The following COQ8B variants were observed in gnomAD, a reference collection of about 807,000 sequenced individuals.
COQ8B encodes atypical kinase COQ8B, mitochondrial.
A neutral mutation model predicts 62.0 loss-of-function variants in COQ8B; 44 were observed. That is an observed-to-expected ratio of 0.71 (90% CI 0.56 to 0.91). The LOEUF (loss-of-function observed/expected upper bound fraction) is 0.91. Among genes scored for constraint, COQ8B ranks in the 40% least tolerant of loss-of-function variants. COQ8B has a pLI of 0.00. For missense variants in COQ8B, 649 were observed against 731.6 expected (o/e 0.89, Z 1.30); for synonymous variants, 252 against 289.9 (o/e 0.87, Z 1.33).
At chr19:40,714,207 A>G in intron 3 of COQ8B, 71 bp downstream of exon 3, 1 of 1,607,128 alleles carries the variant, frequency 6.2e-7, no homozygotes. Flanking sequence ...CTCTGCCACC[A>G]CACCCTTCCC....
rs761401672 is a variant in COQ8B at position 40,692,182 on chromosome 19, G to A, written c.1488C>T (p.Phe496=). 16 of 1,595,920 alleles carry A rather than the reference G, an allele frequency of 1.0e-5. No homozygotes were observed. Among genetic ancestry groups the A allele is most frequent in the African/African-American group, 1.3e-5 (1 of 74,490 alleles). ...GGGCTCGGAGGTGGGCACAGGCCAGGAAAGCCCCTGCCAGCTTGCGGTGCA... is the reference window on the plus strand; with the variant it reads ...GGGCTCGGAGGTGGGCACAGGCCAGAAAAGCCCCTGCCAGCTTGCGGTGCA... ...YALHRKLAGA[F]LACAHLRAHI... The change falls in exon 15 of 15, where the codon TTC becomes TTT. Residue 496 remains phenylalanine (F), a synonymous_variant. Coordinates refer to ENST00000324464, the MANE Select transcript of COQ8B (RefSeq NM_024876.4).
At chr19:40,714,898 T>G in intron 1 of COQ8B, 13 of 1,229,812 alleles carry the variant, frequency 1.1e-5, no homozygotes, top group Non-Finnish European at 1.1e-5. Flanking sequence ...ACACCCACAG[T>G]TCCTCAGGGG....
At chr19:40,697,851 T>TATATATATAGAGAGAGAGAGAGAG (rs1446181673) in intron 12 of COQ8B, among the ~76,000 whole-genome samples, 3 of 54,734 alleles carry the variant, frequency 5.5e-5, no homozygotes, top group Non-Finnish European at 9.4e-5. Flanking sequence ...TATATATATA[T>TATATATATAGAGAGAGAGAGAGAG]AGAGAGAGAG....
At chr19:40,704,096 C>T (rs2082082307) in intron 7 of COQ8B, 2 of 501,956 alleles carry the variant, frequency 4.0e-6, no homozygotes, top group Non-Finnish European at 7.0e-6. Flanking sequence ...ACCTGGACTC[C>T]CTGGGCTGTT....
At chr19:40,705,555 G>T in intron 5 of COQ8B, 108 bp from the exon 6 acceptor site, 1 of 1,270,730 alleles carries the variant, frequency 7.9e-7, no homozygotes, top group Non-Finnish European at 1.0e-6. Flanking sequence ...CAGGCGGGAT[G>T]AACACAGGAG....
At chr19:40,706,258 T>C (rs1042418390) in intron 5 of COQ8B, among the ~76,000 whole-genome samples, 8 of 152,190 alleles carry the variant, frequency 5.3e-5, no homozygotes, top group African/African-American at 1.9e-4. Context: ...CAGGGACCCC[T>C]GAGGGTCCCT....
chr19:40,715,235 T>G (rs2082177008), intron 1 of COQ8B: 2 of 985,492 alleles, frequency 2.0e-6, no homozygotes, highest in Non-Finnish European at 2.4e-6. Context: ...CGATGGAGCC[T>G]GGAATTAAGG....
intron 5 of COQ8B, among the ~76,000 whole-genome samples, chr19:40,706,302 A>G (rs1176099004): frequency 6.6e-6 from 1 of 151,950 alleles, no homozygotes; most frequent in Admixed American, 6.6e-5. Context: ...AGATCAAACT[A>G]TTTTTATCGT....
intron 11 of COQ8B, 47 bp downstream of exon 11, chr19:40,700,262 AC>A (rs1157101589): frequency 1.2e-6 from 2 of 1,610,352 alleles, no homozygotes; most frequent in African/African-American, 1.3e-5. Context: ...AGCCTGGCCC[AC>A]CCGCCCTGGG....
At chr19:40,697,849 T>TAGAGAGAGAGAG (rs1224275474) in intron 12 of COQ8B, among the ~76,000 whole-genome samples, 56 of 60,706 alleles carry the variant, frequency 9.2e-4, no homozygotes, top group African/African-American at 4.4e-3. Flanking sequence ...TATATATATA[T>TAGAGAGAGAGAG]ATAGAGAGAG....
In COQ8B at chr19:40,705,166, C is replaced by A. The variant is rs1051877729; in HGVS notation, c.506G>T (p.Ser169Ile). ...CTCAAAGATGTGCTGCAGCTGAGGG[C>A]TGATGAAGCTGTTGTCTTGGGAGAC... ...MLSIQDNSFI[S>I]PQLQHIFERV... The change falls in exon 7 of 15, where the codon AGC (serine) becomes ATC (isoleucine). Residue 169 changes from serine to isoleucine, a missense_variant. Transcript: ENST00000324464. 2.5e-6 allele frequency: 4 copies of A among 1,613,362 alleles called. No homozygotes were observed. Among genetic ancestry groups the A allele is most frequent in the Non-Finnish European group, 3.4e-6 (4 of 1,179,704 alleles).
chr19:40,710,198 T>C (rs2082130180), intron 4 of COQ8B, 62 bp from the exon 5 acceptor site: 4 of 1,448,116 alleles, frequency 2.8e-6, no homozygotes, highest in East Asian at 2.3e-5. Flanking sequence ...CCTAACCCAC[T>C]CTCCTTTCTC....
chr19:40,705,080 C>A lies in COQ8B; in HGVS notation c.576+16G>T. On this transcript the variant is annotated intron_variant, in intron 7 of 14. Coordinates refer to ENST00000324464, the MANE Select transcript of COQ8B (RefSeq NM_024876.4). ...GAGCCTGCCTCCCTCACCGCCCTCC[C>A]CCACTGGGCACTCACCAGCATCTGC... 1 of 1,593,322 alleles carries A rather than the reference C, an allele frequency of 6.3e-7. No homozygotes were observed.
Position 40,691,599 on chromosome 19 carries a change from A to G in COQ8B, c.*436T>C, listed in dbSNP as rs1599921102. On this transcript the variant is annotated 3_prime_UTR_variant, in exon 15 of 15. Coordinates refer to ENST00000324464, the MANE Select transcript of COQ8B (RefSeq NM_024876.4). The stretch of plus-strand genomic sequence containing the variant: ...CCCACCCCGCACCCCTACCTCTCCA[A>G]CACACTGAGAGGCTGGAACCCGGGA... 1 of 157,180 alleles carries G rather than the reference A, an allele frequency of 6.4e-6. No individual in the cohort carries two copies. Among genetic ancestry groups the G allele is most frequent in the East Asian group, 1.8e-4 (1 of 5,414 alleles). 9.7% of individuals were successfully genotyped at this position (157,180 alleles called of 1,614,324 possible). A position where few individuals can be genotyped will look rare whatever the true frequency, so the allele number is the denominator to read the frequency against.
chr19:40,706,444 T>C (rs886275003), intron 5 of COQ8B, among the ~76,000 whole-genome samples: 6 of 152,164 alleles, frequency 3.9e-5, no homozygotes, highest in African/African-American at 1.4e-4. Context: ...GTGTGTACTC[T>C]TGTGTTTTAA....
intron 14 of COQ8B, 141 bp from the exon 15 acceptor site, chr19:40,692,514 C>T: frequency 1.4e-6 from 1 of 706,288 alleles, no homozygotes; most frequent in Non-Finnish European, 2.3e-6. Context: ...GAGTGAGCAG[C>T]TTCCACTCCT....
intron 12 of COQ8B, among the ~76,000 whole-genome samples, chr19:40,697,181 G>A (rs1320397284): frequency 1.3e-5 from 2 of 151,402 alleles, no homozygotes; most frequent in Non-Finnish European, 2.9e-5. Context: ...GCACGACCAT[G>A]GCTTACTACA....
In COQ8B at chr19:40,691,745, A is replaced by G. The variant is rs1229680547; in HGVS notation, c.*290T>C. The G allele has an allele frequency of 6.6e-6, 2 of 303,256 alleles. No individual in the cohort carries two copies. Among genetic ancestry groups the G allele is most frequent in the Non-Finnish European group, 1.2e-5 (2 of 163,734 alleles). 18.8% of individuals were successfully genotyped at this position (303,256 alleles called of 1,614,324 possible). A position where few individuals can be genotyped will look rare whatever the true frequency, so the allele number is the denominator to read the frequency against. On this transcript the variant is annotated 3_prime_UTR_variant, in exon 15 of 15. Transcript: ENST00000324464. ...TCCCCCTGATGAGTCTGATCTGCAT[A>G]ACGACATGCAGCGGCCCAAGGCTCC...
At chr19:40,702,425 G>A (rs977161356) in intron 10 of COQ8B, among the ~76,000 whole-genome samples, 175 bp downstream of exon 10, 32 of 152,282 alleles carry the variant, frequency 2.1e-4, no homozygotes, top group African/African-American at 7.5e-4. Flanking sequence ...AGCTCACAGA[G>A]GACAAAGGGG....
Sources: gnomAD v4.1 joint callset for allele counts (sites outside exome capture counted in the v4.1 genomes callset) on GRCh38, gnomAD v4.1.1 for gene constraint, MANE v1.5 for transcripts, NCBI Gene and HGNC (gene_info 2026-07-23, HGNC 2026-07-21) for gene names.